The following MMP16 variants were observed in gnomAD, a reference collection of about 807,000 sequenced individuals.
MMP16 encodes matrix metallopeptidase 16.
MMP16 carries 12 observed loss-of-function variants against 67.8 expected under a neutral mutation model. The ratio of observed to expected loss-of-function variants is 0.18; its 90% CI spans 0.11 to 0.29. MMP16 has a LOEUF of 0.29. MMP16 is among the 10% of genes least tolerant of loss of function. MMP16 has a pLI of 1.00. For missense variants in MMP16, 475 were observed against 765.7 expected (o/e 0.62, Z 4.48); for synonymous variants, 249 against 255.9 (o/e 0.97, Z 0.26).
In MMP16 at chr8:88,325,743, T is replaced by G. The variant is rs533266987; in HGVS notation, c.132+1332A>C. Among the ~76,000 whole-genome samples the G allele has an allele frequency of 9.7e-5, 14 of 143,822 alleles. No individual in the cohort carries two copies. The East Asian group carries it at 2.8e-3, about 29-fold the overall frequency. 94.4% of individuals were successfully genotyped at this position (143,822 alleles called of 152,430 possible). A position where few individuals can be genotyped will look rare whatever the true frequency, so the allele number is the denominator to read the frequency against. ...AAACCTTTTTAGTTTTCAAATTGGGTTTTTTTTGTGTAATTTATTCATACT... is the reference window on the plus strand; with the variant it reads ...AAACCTTTTTAGTTTTCAAATTGGGGTTTTTTTGTGTAATTTATTCATACT... On this transcript the variant is annotated intron_variant, in intron 1 of 9. Coordinates refer to ENST00000286614, the MANE Select transcript of MMP16 (RefSeq NM_005941.5).
intron 4 of MMP16, among the ~76,000 whole-genome samples, chr8:88,151,731 T>C (rs1248015066): frequency 6.6e-6 from 1 of 151,810 alleles, no homozygotes; most frequent in Non-Finnish European, 1.5e-5. Flanking sequence ...GAGGGAAATT[T>C]ATAGCACTGA....
Position 88,086,865 on chromosome 8 carries a change from A to C in MMP16, c.1084-12122T>G, listed in dbSNP as rs964496804. On this transcript the variant is annotated intron_variant, in intron 6 of 9. Coordinates refer to ENST00000286614, the MANE Select transcript of MMP16 (RefSeq NM_005941.5). ...TTGTTTATTTGTTCACTTGCTTTCC[A>C]TCAGAGTATGTGCCTCATCTGTCTT... Among the ~76,000 whole-genome samples the C allele has an allele frequency of 4.0e-5, 6 of 151,886 alleles. 1 individual carries two copies. The highest frequency in any genetic ancestry group is 1.5e-4 in the African/African-American group (6 of 41,244).
At chr8:88,279,728 G>T (rs1180525259) in intron 1 of MMP16, among the ~76,000 whole-genome samples, 1 of 152,118 alleles carries the variant, frequency 6.6e-6, no homozygotes, top group Non-Finnish European at 1.5e-5. Flanking sequence ...ATGGAGGGAG[G>T]AGTGTCTGCC....
At chr8:88,284,558 C>CTGT (rs892923623) in intron 1 of MMP16, among the ~76,000 whole-genome samples, 6 of 151,778 alleles carry the variant, frequency 4.0e-5, no homozygotes, top group Non-Finnish European at 7.4e-5. Flanking sequence ...TCAACACAGC[C>CTGT]TGTTGTCTCC....
At chr8:88,264,529 A>G (rs1255183250) in intron 1 of MMP16, among the ~76,000 whole-genome samples, 1 of 152,202 alleles carries the variant, frequency 6.6e-6, no homozygotes, top group Non-Finnish European at 1.5e-5. Context: ...TCATTTAGAA[A>G]TATCTCACAT....
chr8:88,094,773 T>C (rs1327362574), intron 6 of MMP16, among the ~76,000 whole-genome samples: 3 of 151,810 alleles, frequency 2.0e-5, no homozygotes, highest in Non-Finnish European at 4.4e-5. Flanking sequence ...AATTTGTCCA[T>C]TTTCTTTCCA....
At chr8:88,092,028 C>A (rs770481750) in intron 6 of MMP16, among the ~76,000 whole-genome samples, 4 of 151,770 alleles carry the variant, frequency 2.6e-5, no homozygotes, top group African/African-American at 4.8e-5. Context: ...AAAATAAATT[C>A]AAAAATGCAG....
chr8:88,226,342 T>C (rs1051912695), intron 1 of MMP16, among the ~76,000 whole-genome samples: 4 of 152,052 alleles, frequency 2.6e-5, no homozygotes, highest in Non-Finnish European at 4.4e-5. Flanking sequence ...AAACTGACTA[T>C]ATTCCAGGCT....
chr8:88,273,328 T>C (rs1347965216), intron 1 of MMP16, among the ~76,000 whole-genome samples: 2 of 151,554 alleles, frequency 1.3e-5, no homozygotes, highest in Non-Finnish European at 2.9e-5. Flanking sequence ...CAGCCTCATG[T>C]GATCCACCTG....
chr8:88,220,555 C>CAT (rs1809665960), intron 1 of MMP16, among the ~76,000 whole-genome samples: 2 of 151,234 alleles, frequency 1.3e-5, no homozygotes, highest in South Asian at 4.2e-4. Flanking sequence ...TTAGTCTGAA[C>CAT]ATAGGTAGTG....
At chr8:88,265,623 T>C (rs1810465227) in intron 1 of MMP16, among the ~76,000 whole-genome samples, 1 of 152,208 alleles carries the variant, frequency 6.6e-6, no homozygotes, top group Non-Finnish European at 1.5e-5. Flanking sequence ...TCTGTGATTA[T>C]GTTTCCAGCA....
At chr8:88,296,920 G>A (rs1811022108) in intron 1 of MMP16, among the ~76,000 whole-genome samples, 1 of 149,336 alleles carries the variant, frequency 6.7e-6, no homozygotes, top group African/African-American at 2.5e-5. Flanking sequence ...AACTCTATCT[G>A]AAAATAAATA....
In MMP16 at chr8:88,034,623, C is replaced by T. The variant is rs964794620; in HGVS notation, c.*6838G>A. The T allele has an allele frequency of 6.6e-6, 1 of 152,092 alleles. No homozygotes were observed. The highest frequency in any genetic ancestry group is 1.5e-5 in the Non-Finnish European group (1 of 67,928). 9.4% of individuals were successfully genotyped at this position (152,092 alleles called of 1,614,324 possible). A position where few individuals can be genotyped will look rare whatever the true frequency, so the allele number is the denominator to read the frequency against. On this transcript the variant is annotated 3_prime_UTR_variant, in exon 10 of 10. Coordinates refer to ENST00000286614, the MANE Select transcript of MMP16 (RefSeq NM_005941.5). ...ATTTCAGTAATAGCAAAAATTGTAA[C>T]ATTGATTTAAGGATAACGCTCATAT...
intron 1 of MMP16, among the ~76,000 whole-genome samples, chr8:88,297,930 G>A: frequency 6.6e-6 from 1 of 152,120 alleles, no homozygotes; most frequent in East Asian, 1.9e-4. Flanking sequence ...GCAAGTCTAG[G>A]AAGAAAACAA....
intron 3 of MMP16, among the ~76,000 whole-genome samples, chr8:88,175,171 T>A (rs1356259046): frequency 3.9e-5 from 6 of 152,128 alleles, no homozygotes; most frequent in Non-Finnish European, 7.4e-5. Flanking sequence ...AGAGAAAAAT[T>A]AGCATCACCA....
intron 4 of MMP16, among the ~76,000 whole-genome samples, chr8:88,133,038 T>A (rs1378877823): frequency 1.3e-5 from 2 of 152,042 alleles, no homozygotes; most frequent in Admixed American, 6.6e-5. Flanking sequence ...CTAGGTCTAC[T>A]GTATTCAAAG....
At chr8:88,142,544 T>A (rs1373339533) in intron 4 of MMP16, among the ~76,000 whole-genome samples, 1 of 152,084 alleles carries the variant, frequency 6.6e-6, no homozygotes, top group African/African-American at 2.4e-5. Flanking sequence ...ATTTTCTAAC[T>A]TCCAGTTTTA....
intron 4 of MMP16, among the ~76,000 whole-genome samples, chr8:88,141,528 C>T (rs1808210911): frequency 6.6e-6 from 1 of 152,124 alleles, no homozygotes; most frequent in Non-Finnish European, 1.5e-5. Context: ...ACAACTATTA[C>T]CTCAGACACA....
At chr8:88,166,688 CATATATATATATATATATATATATATAT>C (rs1166566212) in intron 4 of MMP16, among the ~76,000 whole-genome samples, 6 of 58,392 alleles carry the variant, frequency 1.0e-4, no homozygotes, top group Non-Finnish European at 1.4e-4. Flanking sequence ...CAAAAAATTA[CATATATATATATATATATATATATATAT>C]ATATATATAT....
Sources: allele counts gnomAD v4.1 joint callset (sites outside exome capture counted in the v4.1 genomes callset), GRCh38; gene constraint gnomAD v4.1.1; transcripts MANE v1.5; gene names NCBI Gene and HGNC (gene_info 2026-07-23, HGNC 2026-07-21).